LRP5: variants seen among roughly 807,000 people sequenced by gnomAD.
LRP5 encodes the protein LDL receptor related protein 5.
A neutral mutation model predicts 154.1 loss-of-function variants in LRP5; 62 were observed. The ratio of observed to expected loss-of-function variants is 0.40; its 90% CI spans 0.33 to 0.50. The LOEUF is 0.50. Among genes scored for constraint, LRP5 ranks in the 20% least tolerant of loss-of-function variants. The pLI is 0.55. For synonymous variants in LRP5, 966 were observed against 1,011.5 expected, an observed-to-expected ratio of 0.96 and a Z score of 0.85; for missense variants, 1,915 against 2,336.7, an observed-to-expected ratio of 0.82 and a Z score of 3.72.
At chr11:68,314,102 G>A (rs1289641109) in intron 1 of LRP5, among the ~76,000 whole-genome samples, 1 of 152,340 alleles carries the variant, frequency 6.6e-6, no homozygotes, top group East Asian at 1.9e-4. Flanking sequence ...AACAGCGACA[G>A]TATCTGGGGA....
chr11:68,330,666 C>T (rs1372135736), intron 1 of LRP5, among the ~76,000 whole-genome samples: 1 of 152,262 alleles, frequency 6.6e-6, no homozygotes, highest in Non-Finnish European at 1.5e-5. Flanking sequence ...TCTGATCATC[C>T]TGTCATTTGT....
chr11:68,330,627 G>C (rs759254760), intron 1 of LRP5, among the ~76,000 whole-genome samples: 1 of 152,264 alleles, frequency 6.6e-6, no homozygotes, highest in Non-Finnish European at 1.5e-5. Context: ...GCATGAAGCC[G>C]TATCACAGAG....
Position 68,447,960 on chromosome 11 carries a change from T to G in LRP5, c.4587-849T>G, listed in dbSNP as rs1327368986. Among the ~76,000 whole-genome samples, 1 of 152,172 alleles carries G rather than the reference T, an allele frequency of 6.6e-6. No individual in the cohort carries two copies. The highest frequency in any genetic ancestry group is 1.5e-5 in the Non-Finnish European group (1 of 68,044). ...TGTTCCGGGCCCATTGGTTGCTGTA[T>G]TAGCCTGTTCTCACGCTGCTAATAA... On this transcript the variant is annotated intron_variant, in intron 22 of 22. Coordinates refer to ENST00000294304, the MANE Select transcript of LRP5 (RefSeq NM_002335.4). The surrounding 1 kb of genome is among the most constrained non-coding windows in gnomAD (Gnocchi z 4.3).
In LRP5 at chr11:68,423,627, G is replaced by A. The variant is rs751521743; in HGVS notation, c.3166G>A (p.Glu1056Lys). The part of the protein sequence containing the change: ...NTINVHRLSG[E>K]AMGVVLRGDR... ...CATCAACGTCCACAGGCTGAGCGGG[G>A]AAGCCATGGGGGTGGTGCTGCGTGG... is the stretch of plus-strand genomic sequence containing the variant. Residue 1056 changes from glutamate (E) to lysine (K), a missense_variant, in exon 14 of 23, where the codon GAA (glutamate) becomes AAA (lysine). By Grantham distance (56) the Glu-to-Lys change is moderately conservative. This residue lies in a region of LRP5 where 1,094 missense variants were observed against 1,210.1 expected (regional missense o/e 0.90). Coordinates refer to ENST00000294304, the MANE Select transcript of LRP5 (RefSeq NM_002335.4). This position sits in a 1 kb window ranked among gnomAD's most constrained non-coding sequence, Gnocchi z 4.7. 3.1e-6 allele frequency: 5 copies of A among 1,614,210 alleles called. No homozygotes were observed. In the Admixed American group the frequency reaches 6.7e-5, roughly 22 times the overall value.
chr11:68,366,741 C>T (rs1197491221), intron 5 of LRP5, among the ~76,000 whole-genome samples: 1 of 152,078 alleles, frequency 6.6e-6, no homozygotes, highest in African/African-American at 2.4e-5. Flanking sequence ...GGAGAGCCTC[C>T]CCGACCAAGC....
intron 6 of LRP5, among the ~76,000 whole-genome samples, chr11:68,388,743 C>T (rs1400168744): frequency 6.6e-6 from 1 of 152,196 alleles, no homozygotes; most frequent in Non-Finnish European, 1.5e-5. Flanking sequence ...AGGGTCATTT[C>T]TGTCCACTGA....
chr11:68,407,169 C>CT (rs35107577), intron 9 of LRP5, among the ~76,000 whole-genome samples: 8,076 of 137,026 alleles, frequency 0.059, 284 homozygotes, highest in Middle Eastern at 0.16. Context: ...TACAGGAAGA[C>CT]TTTTTTTTTT....
At chr11:68,315,706 A>G (rs1430572077) in intron 1 of LRP5, among the ~76,000 whole-genome samples, 1 of 152,222 alleles carries the variant, frequency 6.6e-6, no homozygotes, top group Non-Finnish European at 1.5e-5. Context: ...AGAGCTTCCC[A>G]TGTAGAGGGG....
intron 5 of LRP5, among the ~76,000 whole-genome samples, chr11:68,383,507 C>G (rs1167877432): frequency 6.6e-6 from 1 of 152,206 alleles, no homozygotes; most frequent in African/African-American, 2.4e-5. Context: ...GACAGGGACT[C>G]GGGCATCGCC....
intron 5 of LRP5, among the ~76,000 whole-genome samples, chr11:68,385,457 T>TG (rs2098642464): frequency 6.6e-6 from 1 of 152,214 alleles, no homozygotes; most frequent in East Asian, 1.9e-4. Context: ...TCTGAGTTAC[T>TG]GGGGGTCATC....
At chr11:68,378,140 T>C (rs2098638381) in intron 5 of LRP5, among the ~76,000 whole-genome samples, 1 of 146,308 alleles carries the variant, frequency 6.8e-6, no homozygotes, top group Non-Finnish European at 1.5e-5. Flanking sequence ...CTGCCTCCTT[T>C]TGCCAAAATA....
intron 5 of LRP5, among the ~76,000 whole-genome samples, chr11:68,381,839 GT>G (rs781777196): frequency 8.5e-5 from 13 of 152,126 alleles, no homozygotes; most frequent in Non-Finnish European, 1.6e-4. Flanking sequence ...CTGCTTCCCC[GT>G]GGCCATGGCT....
At chr11:68,322,010 C>T (rs974255451) in intron 1 of LRP5, among the ~76,000 whole-genome samples, 1 of 152,234 alleles carries the variant, frequency 6.6e-6, no homozygotes, top group Non-Finnish European at 1.5e-5. Flanking sequence ...TTAACGTCCT[C>T]ACTGTACGAG....
At chr11:68,404,329 T>G (rs1344877244) in intron 8 of LRP5, 22 of 530,450 alleles carry the variant, frequency 4.1e-5, no homozygotes, top group East Asian at 2.8e-4. Context: ...CTGCACCTGC[T>G]TGTCAGAGGC....
chr11:68,350,285 C>T (rs1248934350), intron 2 of LRP5, among the ~76,000 whole-genome samples: 1 of 152,254 alleles, frequency 6.6e-6, no homozygotes, highest in East Asian at 1.9e-4. Flanking sequence ...GATCCACCCT[C>T]CTCGGCCTCC....
chr11:68,357,536 T>C, intron 2 of LRP5, 114 bp from the exon 3 acceptor site: 3 of 958,672 alleles, frequency 3.1e-6, no homozygotes, highest in South Asian at 1.4e-5. Context: ...TTATTTCCGA[T>C]GGGTGAGATT....
At chr11:68,359,353 C>T (rs1327570998) in intron 3 of LRP5, among the ~76,000 whole-genome samples, 2 of 152,184 alleles carry the variant, frequency 1.3e-5, no homozygotes, top group Non-Finnish European at 1.5e-5. Flanking sequence ...TTGAAAATAT[C>T]CTGTTGTCCC....
At chr11:68,415,356 C>G (rs1253640854) in intron 12 of LRP5, among the ~76,000 whole-genome samples, 1 of 152,192 alleles carries the variant, frequency 6.6e-6, no homozygotes, top group African/African-American at 2.4e-5. Context: ...ACATAGCAAA[C>G]CGCACACACA....
chr11:68,406,160 G>A (rs577568922), intron 8 of LRP5, among the ~76,000 whole-genome samples: 43 of 152,336 alleles, frequency 2.8e-4, no homozygotes, highest in African/African-American at 9.9e-4. Flanking sequence ...GCCTGACAAG[G>A]TCCAGTCAGA....
Sources: gnomAD v4.1 joint callset for allele counts (sites outside exome capture counted in the v4.1 genomes callset) on GRCh38, gnomAD v4.1.1 for gene constraint, gnomAD v4.1.1 regional missense constraint, Gnocchi (gnomAD v3.1) non-coding constraint, MANE v1.5 for transcripts, NCBI Gene and HGNC (gene_info 2026-07-23, HGNC 2026-07-21) for gene names.